The following HSCB variants were observed in gnomAD, a reference collection of about 807,000 sequenced individuals.
HSCB encodes the protein iron-sulfur cluster co-chaperone protein HscB.
A neutral mutation model predicts 31.3 loss-of-function variants in HSCB; 23 were observed. That is an observed-to-expected ratio of 0.74 (90% confidence interval 0.53 to 1.04). The LOEUF (loss-of-function observed/expected upper bound fraction) is 1.04, where lower values mean the gene tolerates loss of function less well. Ranked by LOEUF, HSCB falls within the 50% of genes least tolerant of loss-of-function variation. HSCB has a pLI of 0.00. For synonymous variants in HSCB, 110 were observed against 104.5 expected (o/e 1.05, Z -0.32); for missense variants, 297 against 288.1 (o/e 1.03, Z -0.22).
Position 28,744,627 on chromosome 22 carries a change from T to C in HSCB, c.346T>C (p.Phe116Leu), listed in dbSNP as rs1366201909. The C allele has an allele frequency of 1.2e-6, 2 of 1,612,762 alleles. No individual in the cohort carries two copies. Among genetic ancestry groups the C allele is most frequent in the African/African-American group, 2.7e-5 (2 of 74,896 alleles). Residue 116 changes from phenylalanine to leucine, a missense_variant, in exon 3 of 6, where the codon TTC (phenylalanine) becomes CTC (leucine). Coordinates refer to ENST00000216027, the MANE Select transcript of HSCB (RefSeq NM_172002.5). Reference sequence around the variant, plus strand: ...TCTCCACTAACAGACTGAAAAGGACTTCTCAGAGAAGCATTCGACCCTGGT... The same window carrying C: ...TCTCCACTAACAGACTGAAAAGGACCTCTCAGAGAAGCATTCGACCCTGGT... The part of the protein sequence containing the change: ...FSQRSQTEKD[F>L]SEKHSTLVND...
intron 4 of HSCB, among the ~76,000 whole-genome samples, chr22:28,749,833 CTT>C (rs746640848): frequency 7.2e-5 from 11 of 152,232 alleles, no homozygotes; most frequent in South Asian, 2.1e-4. Context: ...GTGCTACTGA[CTT>C]TGCGTGACCT....
intron 1 of HSCB, 44 bp downstream of exon 1, chr22:28,742,375 G>A (rs1298042453): frequency 1.9e-6 from 3 of 1,600,782 alleles, no homozygotes; most frequent in Non-Finnish European, 2.6e-6. Context: ...CGAGAGACAC[G>A]TCGAGGTCTG....
At chr22:28,746,380 C>CAAAAAA (rs56751858) in intron 4 of HSCB, among the ~76,000 whole-genome samples, 2 of 71,572 alleles carry the variant, frequency 2.8e-5, no homozygotes, top group East Asian at 4.1e-4. Flanking sequence ...GACTCCATCT[C>CAAAAAA]AAAAAAAAAA....
At chr22:28,750,459 TG>T (rs1285365865) in intron 4 of HSCB, among the ~76,000 whole-genome samples, 1 of 152,092 alleles carries the variant, frequency 6.6e-6, no homozygotes, top group Non-Finnish European at 1.5e-5. Flanking sequence ...CCTAGTCTGT[TG>T]TTCTTTTGTG....
intron 5 of HSCB, among the ~76,000 whole-genome samples, chr22:28,755,654 A>G (rs2030556062): frequency 6.6e-6 from 1 of 152,072 alleles, no homozygotes; most frequent in African/African-American, 2.4e-5. Flanking sequence ...TTTTTGCTTA[A>G]TATTTTATTT....
chr22:28,754,047 C>T (rs1033733928), intron 5 of HSCB, among the ~76,000 whole-genome samples: 25 of 151,762 alleles, frequency 1.6e-4, no homozygotes, highest in Non-Finnish European at 4.4e-5. Flanking sequence ...GCAGGAGTAT[C>T]GCTTGAAATT....
chr22:28,749,539 G>C (rs2030077628), intron 4 of HSCB, among the ~76,000 whole-genome samples: 1 of 152,134 alleles, frequency 6.6e-6, no homozygotes, highest in Admixed American at 6.6e-5. Flanking sequence ...AGTTCTGCAG[G>C]AGAAATCATG....
chr22:28,746,437 G>A (rs1231560527), intron 4 of HSCB, among the ~76,000 whole-genome samples: 1 of 149,426 alleles, frequency 6.7e-6, no homozygotes, highest in Non-Finnish European at 1.5e-5. Context: ...TCACATAATT[G>A]TGGGAGCTGA....
Position 28,747,563 on chromosome 22 carries a change from A to G in HSCB, c.568+1555A>G, listed in dbSNP as rs530589078. On this transcript the variant is annotated intron_variant, in intron 4 of 5. Transcript: ENST00000216027. ...AGCAATCCACCTTCCTCAGTCTCCC[A>G]AAGTGCTGGGATTACAGGTGTGACT... is the stretch of plus-strand genomic sequence containing the variant. Among the ~76,000 whole-genome samples, 9 of 152,268 alleles carry G rather than the reference A, an allele frequency of 5.9e-5. No homozygotes were observed. The East Asian group carries it at 9.7e-4, about 16-fold the overall frequency.
At chr22:28,753,374 A>T (rs1011773824) in intron 5 of HSCB, among the ~76,000 whole-genome samples, 4 of 149,932 alleles carry the variant, frequency 2.7e-5, no homozygotes, top group Admixed American at 6.7e-5. Flanking sequence ...AAAAATACAA[A>T]AAAATTAGGG....
intron 4 of HSCB, among the ~76,000 whole-genome samples, chr22:28,749,359 A>G (rs913832691): frequency 2.0e-5 from 3 of 152,104 alleles, no homozygotes; most frequent in Non-Finnish European, 4.4e-5. Context: ...GCCCCATTTA[A>G]GTTAACCCCT....
chr22:28,743,257 G>A (rs755649168), intron 1 of HSCB, among the ~76,000 whole-genome samples: 2 of 152,134 alleles, frequency 1.3e-5, no homozygotes, highest in Admixed American at 6.6e-5. Flanking sequence ...GATTCTTGCT[G>A]AAGACAGGCC....
At chr22:28,755,823 A>G (rs1471169093) in intron 5 of HSCB, among the ~76,000 whole-genome samples, 1 of 152,166 alleles carries the variant, frequency 6.6e-6, no homozygotes, top group African/African-American at 2.4e-5. Flanking sequence ...CCTGAGTACT[A>G]TAAGATGATT....
chr22:28,742,133 G>C lies in HSCB; in HGVS notation c.38G>C (p.Trp13Ser). ...AGAGCCGGGGCTTTGCTCCGGGTGT[G>C]GGGGTTTTGGCCGACAGGGGTTCCC... ...RGRAGALLRV[W>S]GFWPTGVPRR... is the part of the protein sequence containing the mutation. The change falls in exon 1 of 6, where the codon TGG (tryptophan) becomes TCG (serine). Residue 13 changes from tryptophan to serine, a missense_variant. By Grantham distance (177) the Trp-to-Ser change is radical. Transcript: ENST00000216027. The C allele has an allele frequency of 6.2e-7, 1 of 1,611,906 alleles. No homozygotes were observed. Among genetic ancestry groups the C allele is most frequent in the Non-Finnish European group, 8.5e-7 (1 of 1,179,168 alleles).
chr22:28,750,943 G>GTTTTTTTTTTTTTTT (rs1202821377), intron 4 of HSCB, among the ~76,000 whole-genome samples: 3 of 62,050 alleles, frequency 4.8e-5, no homozygotes, highest in East Asian at 2.2e-3. Context: ...GTATATCTTT[G>GTTTTTTTTTTTTTTT]TCTTTTTTTT....
At chr22:28,756,115 C>T (rs929908283) in intron 5 of HSCB, among the ~76,000 whole-genome samples, 15 of 151,948 alleles carry the variant, frequency 9.9e-5, no homozygotes, top group East Asian at 5.8e-4. Flanking sequence ...GGCATGGTGG[C>T]GCACACCCTG....
intron 5 of HSCB, among the ~76,000 whole-genome samples, chr22:28,752,834 A>G (rs891190237): frequency 1.3e-5 from 2 of 152,032 alleles, no homozygotes; most frequent in Admixed American, 6.6e-5. Flanking sequence ...TAATCCCCAC[A>G]TTTTGAGAGG....
chr22:28,755,181 C>T (rs954210623), intron 5 of HSCB, among the ~76,000 whole-genome samples: 15 of 149,912 alleles, frequency 1.0e-4, no homozygotes, highest in East Asian at 6.1e-4. Context: ...GAGGCCGAGG[C>T]GGGCGGATCA....
chr22:28,750,916 T>C (rs1465229515), intron 4 of HSCB, among the ~76,000 whole-genome samples: 1 of 149,044 alleles, frequency 6.7e-6, no homozygotes, highest in Non-Finnish European at 1.5e-5. Context: ...CCAAACTGTT[T>C]CGTGGAGATA....
Sources: allele counts gnomAD v4.1 joint callset (sites outside exome capture counted in the v4.1 genomes callset), GRCh38; gene constraint gnomAD v4.1.1; transcripts MANE v1.5; gene names NCBI Gene and HGNC (gene_info 2026-07-23, HGNC 2026-07-21).